Variants in MCC observed in about 807,000 individuals in gnomAD.
MCC encodes colorectal mutant cancer protein.
In MCC, 90 loss-of-function variants were observed where a neutral mutation model predicts 116.2. The observed-to-expected ratio is 0.77, with a 90% CI of 0.65 to 0.92. The LOEUF is 0.92. MCC is among the 40% of genes least tolerant of loss of function. The pLI, the probability that MCC is intolerant of heterozygous loss-of-function variation, is 0.00. For synonymous variants in MCC, 578 were observed against 510.5 expected (o/e 1.13, Z -1.78); for missense variants, 1,516 against 1,312.2 (o/e 1.16, Z -2.40).
intron 3 of MCC, among the ~76,000 whole-genome samples, chr5:113,207,809 C>T (rs557363460): frequency 6.6e-6 from 1 of 152,146 alleles, no homozygotes; most frequent in Admixed American, 6.5e-5. Flanking sequence ...AACCTATAAA[C>T]AGAACCTTAA....
chr5:113,322,339 AATTTT>A (rs1267194917), intron 3 of MCC, among the ~76,000 whole-genome samples: 1 of 152,192 alleles, frequency 6.6e-6, no homozygotes, highest in African/African-American at 2.4e-5. Context: ...GCTGTACTAT[AATTTT>A]ATTTTATTTC....
rs1750635595 is a variant in MCC, at chr5:113,027,468, G to A, written c.2894C>T (p.Ala965Val). 1 of 1,614,102 alleles carries A rather than the reference G, an allele frequency of 6.2e-7. No individual in the cohort carries two copies. The highest frequency in any genetic ancestry group is 2.2e-5 in the East Asian group (1 of 44,878). Residue 965 changes from alanine (A) to valine (V), a missense_variant, in exon 19 of 19, where the codon GCC becomes GTC. Transcript: ENST00000408903. ...ATGCTTTTTCTTTGCTTTCTCATAG[G>A]CAGCCACCAGGTTGCTAGGTGGGAA... ...LKRANSNLVAAYEKAKKKHQN... is the reference protein window; with the variant it reads ...LKRANSNLVAVYEKAKKKHQN...
intron 3 of MCC, among the ~76,000 whole-genome samples, chr5:113,299,292 C>CAAAAAAAAAAAAAA (rs58372049): frequency 1.5e-4 from 8 of 52,078 alleles, no homozygotes; most frequent in South Asian, 1.1e-3. Context: ...GACTCCGTCT[C>CAAAAAAAAAAAAAA]AAAAAAAAAA....
intron 10 of MCC, 118 bp downstream of exon 10, chr5:113,083,983 C>A: frequency 1.4e-6 from 1 of 736,812 alleles, no homozygotes; most frequent in South Asian, 1.8e-5. Context: ...GTATGATTTA[C>A]TATTATAACT....
At chr5:113,358,507 G>A (rs1768467863) in intron 2 of MCC, among the ~76,000 whole-genome samples, 1 of 152,172 alleles carries the variant, frequency 6.6e-6, no homozygotes, top group Non-Finnish European at 1.5e-5. Flanking sequence ...GTGTTTAGGG[G>A]ATCCTGAGAC....
At chr5:113,451,051 T>G (rs1337743412) in intron 1 of MCC, among the ~76,000 whole-genome samples, 1 of 152,230 alleles carries the variant, frequency 6.6e-6, no homozygotes. Flanking sequence ...ATTGCATTTT[T>G]TTTTCTTTTC....
intron 11 of MCC, among the ~76,000 whole-genome samples, chr5:113,072,681 C>A (rs1431205312): frequency 6.6e-6 from 1 of 152,182 alleles, no homozygotes; most frequent in African/African-American, 2.4e-5. Flanking sequence ...ATTAGTAAGG[C>A]TTGCCATTCT....
chr5:113,375,679 C>A (rs1441463685), intron 2 of MCC, among the ~76,000 whole-genome samples: 1 of 152,118 alleles, frequency 6.6e-6, no homozygotes, highest in African/African-American at 2.4e-5. Flanking sequence ...TTGGCTGGGC[C>A]TCCCTGTGTG....
intron 3 of MCC, among the ~76,000 whole-genome samples, chr5:113,303,357 A>G (rs546499401): frequency 6.6e-6 from 1 of 152,344 alleles, no homozygotes; most frequent in South Asian, 2.1e-4. Context: ...TTGGATAGAA[A>G]TTACCTTCCA....
intron 3 of MCC, among the ~76,000 whole-genome samples, chr5:113,244,329 T>G (rs1337473163): frequency 1.3e-5 from 2 of 152,206 alleles, no homozygotes; most frequent in Admixed American, 1.3e-4. Flanking sequence ...CAAGTAGGTT[T>G]ACAACTTAAA....
intron 5 of MCC, among the ~76,000 whole-genome samples, chr5:113,133,471 CT>C (rs200574416): frequency 0.054 from 7,886 of 146,434 alleles, 240 homozygotes; most frequent in East Asian, 0.093. Context: ...GGATTTCATT[CT>C]TTTTTTTTTT....
intron 3 of MCC, among the ~76,000 whole-genome samples, chr5:113,178,071 C>T (rs1356836869): frequency 6.6e-6 from 1 of 152,162 alleles, no homozygotes; most frequent in Non-Finnish European, 1.5e-5. Flanking sequence ...TGGACCAAAA[C>T]AGGGCTTGCA....
chr5:113,253,522 A>G (rs1231593972), intron 3 of MCC, among the ~76,000 whole-genome samples: 1 of 152,108 alleles, frequency 6.6e-6, no homozygotes. Context: ...TATGCCCTCA[A>G]TTTCAGAGCT....
intron 1 of MCC, among the ~76,000 whole-genome samples, chr5:113,455,299 T>G (rs1019846705): frequency 4.6e-5 from 7 of 152,172 alleles, no homozygotes; most frequent in African/African-American, 1.7e-4. Flanking sequence ...TAGCCCATAT[T>G]TTCTCATCTT....
At chr5:113,117,866 T>C (rs1757483864) in intron 6 of MCC, among the ~76,000 whole-genome samples, 1 of 152,256 alleles carries the variant, frequency 6.6e-6, no homozygotes, top group Non-Finnish European at 1.5e-5. Context: ...TTGCAAATGC[T>C]TCACTATTAA....
chr5:113,243,225 A>G (rs1764445629), intron 3 of MCC, among the ~76,000 whole-genome samples: 1 of 152,086 alleles, frequency 6.6e-6, no homozygotes, highest in Non-Finnish European at 1.5e-5. Flanking sequence ...CATGATCTAG[A>G]AGTAGCTACA....
chr5:113,382,277 T>C (rs1445399051), intron 2 of MCC, among the ~76,000 whole-genome samples: 2 of 151,768 alleles, frequency 1.3e-5, no homozygotes, highest in African/African-American at 4.8e-5. Flanking sequence ...GTCCTTTTTT[T>C]TTTTTTTTTT....
At chr5:113,214,148 C>G (rs550200589) in intron 3 of MCC, among the ~76,000 whole-genome samples, 3 of 152,220 alleles carry the variant, frequency 2.0e-5, no homozygotes, top group African/African-American at 7.2e-5. Context: ...CAAGGCCACA[C>G]ACTGAGCAGC....
intron 3 of MCC, among the ~76,000 whole-genome samples, chr5:113,275,573 T>C (rs767074527): frequency 3.5e-4 from 54 of 152,312 alleles, no homozygotes; most frequent in Non-Finnish European, 6.6e-4. Flanking sequence ...AACAGATTAA[T>C]ACTAGGCTCA....
Sources: gnomAD v4.1 joint callset for allele counts (sites outside exome capture counted in the v4.1 genomes callset) on GRCh38, gnomAD v4.1.1 for gene constraint, MANE v1.5 for transcripts, NCBI Gene and HGNC (gene_info 2026-07-23, HGNC 2026-07-21) for gene names.